LUZP1: variants seen among roughly 807,000 people sequenced by gnomAD.
LUZP1 encodes the protein filamin mechanobinding actin cross-linking protein.
A neutral mutation model predicts 71.3 loss-of-function variants in LUZP1; 25 were observed. The observed-to-expected ratio is 0.35, with a 90% CI of 0.26 to 0.49. The LOEUF (loss-of-function observed/expected upper bound fraction) is 0.49, where lower values mean the gene tolerates loss of function less well. LUZP1 is among the 20% of genes least tolerant of loss of function. The pLI, the probability that LUZP1 is intolerant of heterozygous loss-of-function variation, is 0.99. For synonymous variants in LUZP1, 481 were observed against 506.4 expected (o/e 0.95, Z 0.67); for missense variants, 1,142 against 1,300.8 (o/e 0.88, Z 1.88).
rs76570527 is a variant in LUZP1, at chr1:23,126,736, C to T, written c.-225-17609G>A. ...CCATACTGTCAGCTGTACCTTTCAT[C>T]CTGGATGGCCATTCTTGCTTTTGAT... On this transcript the variant is annotated intron_variant, in intron 2 of 4. Transcript: ENST00000302291. 7.0e-3 allele frequency among the ~76,000 whole-genome samples: 1,062 copies of T among 152,290 alleles called. 13 individuals carry two copies. The highest frequency in any genetic ancestry group is 0.012 in the Non-Finnish European group (841 of 68,014).
chr1:23,137,027 C>A (rs1460105984), intron 2 of LUZP1, among the ~76,000 whole-genome samples: 1 of 152,236 alleles, frequency 6.6e-6, no homozygotes, highest in South Asian at 2.1e-4. Context: ...TGTCATATGG[C>A]AATCACTTCA....
intron 4 of LUZP1, chr1:23,090,938 T>A: frequency 1.4e-6 from 1 of 718,458 alleles, no homozygotes; most frequent in Non-Finnish European, 2.6e-6. Context: ...TTCCTTTTTA[T>A]GTCACCTTCA....
chr1:23,117,454 C>CCTCCCTCTCTCTCTCT (rs1553137817), intron 2 of LUZP1, among the ~76,000 whole-genome samples: 1 of 13,358 alleles, frequency 7.5e-5, no homozygotes, highest in African/African-American at 4.5e-4. Context: ...TTTTTTTTTT[C>CCTCCCTCTCTCTCTCT]CTCTCTCTCT....
chr1:23,097,239 G>C (rs1185046606), intron 3 of LUZP1, among the ~76,000 whole-genome samples: 1 of 152,098 alleles, frequency 6.6e-6, no homozygotes, highest in Non-Finnish European at 1.5e-5. Context: ...GTTTCAACAC[G>C]AATTTTGGAG....
chr1:23,102,920 TTTTCA>T (rs1156261537), intron 3 of LUZP1, among the ~76,000 whole-genome samples: 13 of 152,174 alleles, frequency 8.5e-5, no homozygotes, highest in East Asian at 7.7e-4. Context: ...TTCATTTCAT[TTTTCA>T]TTTCATTTCA....
At chr1:23,142,990 A>T (rs1463466673) in intron 2 of LUZP1, among the ~76,000 whole-genome samples, 2 of 151,920 alleles carry the variant, frequency 1.3e-5, no homozygotes, top group African/African-American at 4.8e-5. Flanking sequence ...GCTACATGGT[A>T]AGACTTCGTC....
chr1:23,153,845 G>C (rs1644401398), intron 2 of LUZP1, among the ~76,000 whole-genome samples: 1 of 152,152 alleles, frequency 6.6e-6, no homozygotes, highest in Non-Finnish European at 1.5e-5. Flanking sequence ...GGCTGAGGTA[G>C]GAGAATCATT....
At chr1:23,111,582 T>C (rs1411814986) in intron 2 of LUZP1, among the ~76,000 whole-genome samples, 1 of 151,990 alleles carries the variant, frequency 6.6e-6, no homozygotes, top group Admixed American at 6.6e-5. Flanking sequence ...TTAAAAACGA[T>C]CTATACCAAG....
chr1:23,141,957 G>A (rs1644306638), intron 2 of LUZP1, among the ~76,000 whole-genome samples: 1 of 151,418 alleles, frequency 6.6e-6, no homozygotes, highest in South Asian at 2.1e-4. Flanking sequence ...CAATTCTCCT[G>A]CCTCAGCCTC....
chr1:23,091,554 C>T, exon 4 of LUZP1: 1 of 1,614,208 alleles, frequency 6.2e-7, no homozygotes, highest in Non-Finnish European at 8.5e-7. Flanking sequence ...GGCACTATGG[C>T]TTTTCCACCT....
At chr1:23,158,707 G>A (rs952809337) in intron 2 of LUZP1, among the ~76,000 whole-genome samples, 4 of 143,488 alleles carry the variant, frequency 2.8e-5, no homozygotes, top group Admixed American at 7.0e-5. Flanking sequence ...TGGCTCATGC[G>A]TTTAATCCCA....
chr1:23,167,007 T>C (rs1159197110), intron 2 of LUZP1, among the ~76,000 whole-genome samples: 1 of 152,158 alleles, frequency 6.6e-6, no homozygotes, highest in African/African-American at 2.4e-5. Context: ...AAAATTCTTC[T>C]AGGAGTAAAT....
Position 23,093,601 on chromosome 1 carries a change from T to C in LUZP1, c.661A>G (p.Asn221Asp). Reference sequence around the variant, plus strand: ...GTATAATCTCGGTTCATTTTTTTGTTCTGCTCTAGTTTTTGAGTGAGTTCT... The same window carrying C: ...GTATAATCTCGGTTCATTTTTTTGTCCTGCTCTAGTTTTTGAGTGAGTTCT... The change falls in exon 4 of 5, where the codon AAC becomes GAC. Residue 221 changes from asparagine to aspartate, a missense_variant. Coordinates refer to ENST00000302291, the Ensembl canonical transcript of LUZP1. The surrounding 1 kb of genome is among the most constrained non-coding windows in gnomAD (Gnocchi z 4.2). The C allele has an allele frequency of 6.2e-7, 1 of 1,613,544 alleles. No homozygotes were observed.
At chr1:23,152,035 A>G (rs942053211) in intron 2 of LUZP1, among the ~76,000 whole-genome samples, 22 of 151,832 alleles carry the variant, frequency 1.4e-4, no homozygotes, top group Non-Finnish European at 1.6e-4. Context: ...AATGGTAGAT[A>G]ATATACTCCA....
At position 23,131,134 on chromosome 1, in the gene LUZP1, G is replaced by A. The variant is rs900362367; in HGVS notation, c.-225-22007C>T. ...CTTGGGAGGCTGAGACAGGAGAATC[G>A]CTTGAACCCGGGAGATGGAGGTTGT... On this transcript the variant is annotated intron_variant, in intron 2 of 4. Transcript: ENST00000302291. Among the ~76,000 whole-genome samples, 17 of 141,416 alleles carry A rather than the reference G, an allele frequency of 1.2e-4. 1 individual carries two copies. The highest frequency in any genetic ancestry group is 1.1e-3 in the Admixed American group (14 of 12,374). 92.8% of individuals were successfully genotyped at this position (141,416 alleles called of 152,430 possible).
rs111724602 is a variant in LUZP1 at position 23,131,978 on chromosome 1, G to A, written c.-225-22851C>T. 1.7e-3 allele frequency among the ~76,000 whole-genome samples: 263 copies of A among 152,246 alleles called. 3 individuals carry two copies. Among genetic ancestry groups the A allele is most frequent in the African/African-American group, 5.9e-3 (247 of 41,550 alleles). ...TGGGATTACAAGCATGAGCCACTGC[G>A]CCCGGCCCACACCTGGCTTATTTTT... On this transcript the variant is annotated intron_variant, in intron 2 of 4. Coordinates refer to ENST00000302291, the Ensembl canonical transcript of LUZP1.
At chr1:23,137,598 G>T (rs764548380) in intron 2 of LUZP1, among the ~76,000 whole-genome samples, 1 of 151,810 alleles carries the variant, frequency 6.6e-6, no homozygotes, top group African/African-American at 2.4e-5. Flanking sequence ...CCAAGATTGC[G>T]CCACTGCACT....
At chr1:23,172,143 T>C (rs1393708638) in intron 1 of LUZP1, among the ~76,000 whole-genome samples, 1 of 152,200 alleles carries the variant, frequency 6.6e-6, no homozygotes, top group Non-Finnish European at 1.5e-5. Context: ...CAGGATATAG[T>C]GGTTGCTGTT....
At chr1:23,097,004 C>T (rs1399712272) in intron 3 of LUZP1, among the ~76,000 whole-genome samples, 1 of 152,104 alleles carries the variant, frequency 6.6e-6, no homozygotes, top group Non-Finnish European at 1.5e-5. Flanking sequence ...CCTCACAGTT[C>T]TGGAGCCTGG....
Sources: gnomAD v4.1 joint callset for allele counts (sites outside exome capture counted in the v4.1 genomes callset) on GRCh38, gnomAD v4.1.1 for gene constraint, Gnocchi (gnomAD v3.1) non-coding constraint, MANE v1.5 for transcripts, NCBI Gene and HGNC (gene_info 2026-07-23, HGNC 2026-07-21) for gene names.